HS3ST4: variants seen among roughly 807,000 people sequenced by gnomAD.
HS3ST4 encodes heparan sulfate-glucosamine 3-sulfotransferase 4.
Under a neutral mutation model 29.2 loss-of-function variants are expected in HS3ST4, and 17 were observed. That is an observed-to-expected ratio of 0.58 (90% CI 0.40 to 0.87). HS3ST4 has a LOEUF of 0.87. HS3ST4 is among the 40% of genes least tolerant of loss of function. HS3ST4 has a pLI of 0.00. For missense variants in HS3ST4, 627 were observed against 634.5 expected (o/e 0.99, Z 0.13); for synonymous variants, 314 against 285.7 (o/e 1.10, Z -1.00).
intron 1 of HS3ST4, among the ~76,000 whole-genome samples, chr16:26,079,827 T>C (rs1157252307): frequency 6.6e-6 from 1 of 152,188 alleles, no homozygotes; most frequent in Non-Finnish European, 1.5e-5. Flanking sequence ...TTAAAGGCTT[T>C]AGCACGGGAG....
At chr16:26,022,162 T>C (rs538366660) in intron 1 of HS3ST4, among the ~76,000 whole-genome samples, 3 of 152,178 alleles carry the variant, frequency 2.0e-5, no homozygotes, top group South Asian at 4.2e-4. Flanking sequence ...AGCTATGGGG[T>C]CTCACTGTGT....
rs971496568 is a variant in HS3ST4, at chr16:25,727,932, G to A, written c.734+34781G>A. Among the ~76,000 whole-genome samples the A allele has an allele frequency of 2.6e-5, 4 of 152,236 alleles. No individual in the cohort carries two copies. In the South Asian group the frequency reaches 6.2e-4, roughly 24 times the overall value. Reference sequence around the variant, plus strand: ...GGTGAGCTTGAAGAAAGTAGGTTTGGCTTAGTGTGGAGGTCCAGAAAAGCT... The same window carrying A: ...GGTGAGCTTGAAGAAAGTAGGTTTGACTTAGTGTGGAGGTCCAGAAAAGCT... On this transcript the variant is annotated intron_variant, in intron 1 of 1. Transcript: ENST00000331351.
intron 1 of HS3ST4, among the ~76,000 whole-genome samples, chr16:26,016,267 C>T (rs1420139477): frequency 6.6e-6 from 1 of 152,194 alleles, no homozygotes; most frequent in African/African-American, 2.4e-5. Flanking sequence ...TCACTCCAGG[C>T]TCCAAATATC....
At chr16:26,133,922 TG>T (rs1418318061) in intron 1 of HS3ST4, among the ~76,000 whole-genome samples, 1 of 152,224 alleles carries the variant, frequency 6.6e-6, no homozygotes, top group Non-Finnish European at 1.5e-5. Flanking sequence ...GAGCACATGG[TG>T]GCAGATGGCC....
chr16:25,865,977 T>G (rs1361261110), intron 1 of HS3ST4, among the ~76,000 whole-genome samples: 1 of 152,152 alleles, frequency 6.6e-6, no homozygotes, highest in Non-Finnish European at 1.5e-5. Context: ...CAAATGAAAT[T>G]GCATCCAACT....
intron 1 of HS3ST4, among the ~76,000 whole-genome samples, chr16:25,804,039 C>T (rs1252838795): frequency 6.6e-6 from 1 of 152,062 alleles, no homozygotes; most frequent in Non-Finnish European, 1.5e-5. Context: ...CTGAGGTTAT[C>T]ACAGACTTGA....
chr16:26,065,824 G>C (rs1343480957), intron 1 of HS3ST4, among the ~76,000 whole-genome samples: 1 of 152,178 alleles, frequency 6.6e-6, no homozygotes, highest in Non-Finnish European at 1.5e-5. Flanking sequence ...AGTAAGAAGT[G>C]AATCACACCT....
At chr16:25,708,549 A>G (rs1421634672) in intron 1 of HS3ST4, among the ~76,000 whole-genome samples, 2 of 152,228 alleles carry the variant, frequency 1.3e-5, no homozygotes, top group South Asian at 2.1e-4. Context: ...CCATGTTGCC[A>G]TAAGTATATC....
At chr16:25,859,381 G>A (rs141581440) in intron 1 of HS3ST4, among the ~76,000 whole-genome samples, 3 of 152,294 alleles carry the variant, frequency 2.0e-5, no homozygotes, top group Non-Finnish European at 2.9e-5. Context: ...CTATAGCTGA[G>A]CAAACCAAGG....
chr16:26,034,830 A>G (rs1209486293), intron 1 of HS3ST4, among the ~76,000 whole-genome samples: 3 of 152,136 alleles, frequency 2.0e-5, no homozygotes, highest in Non-Finnish European at 2.9e-5. Context: ...AAGTAAATAA[A>G]TAATTAGCTG....
At chr16:25,871,592 C>T (rs1343377854) in intron 1 of HS3ST4, among the ~76,000 whole-genome samples, 1 of 152,042 alleles carries the variant, frequency 6.6e-6, no homozygotes, top group Non-Finnish European at 1.5e-5. Context: ...CTTACAATAA[C>T]CTTATAAAGT....
At chr16:25,990,728 G>T (rs1369403156) in intron 1 of HS3ST4, among the ~76,000 whole-genome samples, 1 of 152,196 alleles carries the variant, frequency 6.6e-6, no homozygotes, top group Non-Finnish European at 1.5e-5. Context: ...GATATGCAGG[G>T]TGTGTCAGAA....
rs536719594 is a variant in HS3ST4, at chr16:25,700,030, A to G, written c.734+6879A>G. Among the ~76,000 whole-genome samples, 4 of 152,156 alleles carry G rather than the reference A, an allele frequency of 2.6e-5. No homozygotes were observed. The South Asian group carries it at 8.3e-4, about 32-fold the overall frequency. On this transcript the variant is annotated intron_variant, in intron 1 of 1. Transcript: ENST00000331351. The stretch of plus-strand genomic sequence containing the variant: ...CCTGCCCATCAGTACTGACGGCCCT[A>G]AAGAGAAAGCTGTAATGTATTTTTC...
chr16:26,057,234 A>G (rs937152969), intron 1 of HS3ST4, among the ~76,000 whole-genome samples: 16 of 152,202 alleles, frequency 1.1e-4, no homozygotes, highest in African/African-American at 3.9e-4. Context: ...TAGGTGGGAA[A>G]ACTAAGGCTC....
chr16:25,737,244 A>G (rs1309593211), intron 1 of HS3ST4, among the ~76,000 whole-genome samples: 1 of 152,224 alleles, frequency 6.6e-6, no homozygotes, highest in Non-Finnish European at 1.5e-5. Context: ...TTTGATGTGC[A>G]TGCTCAGGCG....
intron 1 of HS3ST4, among the ~76,000 whole-genome samples, chr16:25,836,089 A>G (rs1967353359): frequency 6.6e-6 from 1 of 152,118 alleles, no homozygotes; most frequent in Non-Finnish European, 1.5e-5. Context: ...TTATTTTCCT[A>G]CCAAGCCTAC....
At chr16:25,861,973 G>T (rs748467563) in intron 1 of HS3ST4, among the ~76,000 whole-genome samples, 18 of 151,972 alleles carry the variant, frequency 1.2e-4, no homozygotes, top group Admixed American at 7.9e-4. Flanking sequence ...AACCATTTTG[G>T]CACTAGGGAT....
chr16:25,813,990 G>T (rs4787764), intron 1 of HS3ST4, among the ~76,000 whole-genome samples: 151,999 of 152,346 alleles, frequency 1, 75,827 homozygotes, highest in East Asian at 1. Context: ...ATTATGTTGA[G>T]CAAATGAAGC....
intron 1 of HS3ST4, among the ~76,000 whole-genome samples, chr16:26,120,077 G>A (rs112296481): frequency 1.2e-4 from 16 of 133,656 alleles, no homozygotes; most frequent in South Asian, 2.4e-4. Flanking sequence ...GTGTATGTGT[G>A]TGTGTGTGTG....
Sources: allele counts gnomAD v4.1 joint callset (sites outside exome capture counted in the v4.1 genomes callset), GRCh38; gene constraint gnomAD v4.1.1; transcripts MANE v1.5; gene names NCBI Gene and HGNC (gene_info 2026-07-23, HGNC 2026-07-21).